GNAQ: variants seen among roughly 807,000 people sequenced by gnomAD.
GNAQ encodes the protein guanine nucleotide-binding protein G(q) subunit alpha.
GNAQ carries 8 observed loss-of-function variants against 43.9 expected under a neutral mutation model. The ratio of observed to expected loss-of-function variants is 0.18; its 90% CI spans 0.11 to 0.33. The LOEUF is 0.33. Among genes scored for constraint, GNAQ ranks in the 10% least tolerant of loss-of-function variants. The pLI is 1.00. For synonymous variants in GNAQ, 155 were observed against 170.7 expected (o/e 0.91, Z 0.71); for missense variants, 158 against 450.8 (o/e 0.35, Z 5.88).
intron 6 of GNAQ, among the ~76,000 whole-genome samples, chr9:77,727,293 C>T (rs563230656): frequency 6.6e-6 from 1 of 152,260 alleles, no homozygotes; most frequent in South Asian, 2.1e-4. Context: ...GCTGGGATTA[C>T]AGGTGTGAAT....
intron 2 of GNAQ, among the ~76,000 whole-genome samples, chr9:77,870,338 T>G (rs898525087): frequency 5.4e-5 from 8 of 148,970 alleles, no homozygotes. Flanking sequence ...TTTTTTTTTT[T>G]TTTTTTTTTT....
At chr9:77,838,301 G>A (rs1216882190) in intron 2 of GNAQ, among the ~76,000 whole-genome samples, 3 of 151,022 alleles carry the variant, frequency 2.0e-5, no homozygotes, top group South Asian at 2.1e-4. Flanking sequence ...GCACCACCAC[G>A]CCCAGCTAAT....
chr9:77,825,837 G>A (rs1827186192), intron 2 of GNAQ, among the ~76,000 whole-genome samples: 2 of 152,132 alleles, frequency 1.3e-5, no homozygotes, highest in South Asian at 2.1e-4. Context: ...AAGTATCTCA[G>A]GCAAACTAGG....
At chr9:77,765,378 T>C (rs1826119063) in intron 5 of GNAQ, among the ~76,000 whole-genome samples, 1 of 152,184 alleles carries the variant, frequency 6.6e-6, no homozygotes, top group South Asian at 2.1e-4. Context: ...AAGGGTTTAA[T>C]ATCCAGAATA....
chr9:77,985,036 C>T (rs957507525), intron 1 of GNAQ, among the ~76,000 whole-genome samples: 4 of 152,090 alleles, frequency 2.6e-5, no homozygotes, highest in Non-Finnish European at 4.4e-5. Context: ...GTGGGCCAGG[C>T]GCGGTGACTC....
rs58496646 is a variant in GNAQ at position 77,889,410 on chromosome 9, C to CAAAAAAAAAAAAAA, written c.321+32737_321+32750dup. 7.5e-4 allele frequency among the ~76,000 whole-genome samples: 36 copies of CAAAAAAAAAAAAAA among 48,060 alleles called. 3 individuals carry two copies. The highest frequency in any genetic ancestry group is 4.4e-3 in the East Asian group (4 of 900). The allele number at this position is 48,060 out of a possible 152,430, so 31.5% of individuals were successfully genotyped here. A position where few individuals can be genotyped will look rare whatever the true frequency, so the allele number is the denominator to read the frequency against. ...TGGGCGACAAAGCCAGACCCTGTCT[C>CAAAAAAAAAAAAAA]AAAAAAAAAAAAAAAAAAAAAAAAA... On this transcript the variant is annotated intron_variant, in intron 2 of 6. Coordinates refer to ENST00000286548, the MANE Select transcript of GNAQ (RefSeq NM_002072.5).
At chr9:77,743,794 C>T (rs1309167059) in intron 5 of GNAQ, among the ~76,000 whole-genome samples, 2 of 152,140 alleles carry the variant, frequency 1.3e-5, no homozygotes, top group Non-Finnish European at 2.9e-5. Flanking sequence ...CCACCCTCCA[C>T]CAATATCTTC....
chr9:77,984,694 G>A (rs902136735), intron 1 of GNAQ, among the ~76,000 whole-genome samples: 5 of 152,112 alleles, frequency 3.3e-5, no homozygotes, highest in African/African-American at 1.2e-4. Context: ...GCAGTTTTAA[G>A]AGAAGTATAC....
chr9:77,774,341 G>C (rs1255106174), intron 5 of GNAQ, among the ~76,000 whole-genome samples: 2 of 152,104 alleles, frequency 1.3e-5, no homozygotes, highest in Non-Finnish European at 2.9e-5. Flanking sequence ...TGCTACGTTT[G>C]CTAAGCTTCT....
At chr9:77,947,009 C>A (rs1416146411) in intron 1 of GNAQ, among the ~76,000 whole-genome samples, 1 of 152,258 alleles carries the variant, frequency 6.6e-6, no homozygotes, top group Non-Finnish European at 1.5e-5. Flanking sequence ...CCTCTCCGGG[C>A]TACGCCCAAC....
At chr9:77,830,907 G>T (rs1393877189) in intron 2 of GNAQ, among the ~76,000 whole-genome samples, 1 of 152,064 alleles carries the variant, frequency 6.6e-6, no homozygotes, top group Non-Finnish European at 1.5e-5. Flanking sequence ...GTCCTTTAAA[G>T]AAAGAGTTTC....
At chr9:77,883,772 C>T (rs1479076767) in intron 2 of GNAQ, among the ~76,000 whole-genome samples, 1 of 152,140 alleles carries the variant, frequency 6.6e-6, no homozygotes, top group Non-Finnish European at 1.5e-5. Context: ...AAAATGTGCT[C>T]TGTCCCATGT....
chr9:77,737,125 T>G (rs1347177298), intron 5 of GNAQ, among the ~76,000 whole-genome samples: 4 of 152,254 alleles, frequency 2.6e-5, no homozygotes, highest in African/African-American at 9.6e-5. Context: ...ACACTGACTT[T>G]TCAATTCACT....
At position 77,876,047 on chromosome 9, in the gene GNAQ, G is replaced by A. The variant is rs1329265631; in HGVS notation, c.321+46114C>T. On this transcript the variant is annotated intron_variant, in intron 2 of 6. Transcript: ENST00000286548. ...TATTTATATTTTTAAAAAGACACTTGATATTGTGGCTTTAAATAAAAAACA... is the reference window on the plus strand; with the variant it reads ...TATTTATATTTTTAAAAAGACACTTAATATTGTGGCTTTAAATAAAAAACA... Among the ~76,000 whole-genome samples the A allele has an allele frequency of 5.3e-5, 8 of 152,114 alleles. 1 individual carries two copies. The highest frequency in any genetic ancestry group is 1.2e-4 in the Non-Finnish European group (8 of 68,024).
At chr9:77,869,372 T>C (rs1010981020) in intron 2 of GNAQ, among the ~76,000 whole-genome samples, 4 of 152,184 alleles carry the variant, frequency 2.6e-5, no homozygotes, top group African/African-American at 9.7e-5. Context: ...AGAAGAATAT[T>C]GATGAAATTA....
chr9:77,899,804 T>C (rs1218116387), intron 2 of GNAQ, among the ~76,000 whole-genome samples: 1 of 152,096 alleles, frequency 6.6e-6, no homozygotes, highest in African/African-American at 2.4e-5. Flanking sequence ...TTCAATCACA[T>C]ATTTAACAAA....
intron 2 of GNAQ, among the ~76,000 whole-genome samples, chr9:77,902,266 C>T (rs1828627717): frequency 6.6e-6 from 1 of 152,182 alleles, no homozygotes; most frequent in Non-Finnish European, 1.5e-5. Context: ...TTGCTTTTCA[C>T]TTGTTATCAT....
At chr9:77,897,504 A>G (rs1054208433) in intron 2 of GNAQ, among the ~76,000 whole-genome samples, 16 of 152,160 alleles carry the variant, frequency 1.1e-4, no homozygotes, top group African/African-American at 3.9e-4. Flanking sequence ...ACAATGCTGG[A>G]ATGGTCTCTG....
chr9:77,807,146 C>T (rs1387908310), intron 3 of GNAQ, among the ~76,000 whole-genome samples: 1 of 152,102 alleles, frequency 6.6e-6, no homozygotes, highest in African/African-American at 2.4e-5. Context: ...ACTGAAAAGA[C>T]TTTAACCTGA....
Sources: allele counts gnomAD v4.1 joint callset (sites outside exome capture counted in the v4.1 genomes callset), GRCh38; gene constraint gnomAD v4.1.1; transcripts MANE v1.5; gene names NCBI Gene and HGNC (gene_info 2026-07-23, HGNC 2026-07-21).